Variants in PLCB1 observed in about 807,000 individuals in gnomAD.
PLCB1 encodes the protein phospholipase C beta 1, also known as 1-phosphatidylinositol 4,5-bisphosphate phosphodiesterase beta-1.
Under a neutral mutation model 161.8 loss-of-function variants are expected in PLCB1, and 46 were observed. The observed-to-expected ratio is 0.28, with a 90% CI of 0.22 to 0.36. The LOEUF (loss-of-function observed/expected upper bound fraction) is 0.36. Ranked by LOEUF, PLCB1 falls within the 10% of genes least tolerant of loss-of-function variation. The probability of loss-of-function intolerance (pLI) is 1.00; values close to 1 mark genes in which losing one functional copy is unlikely to be tolerated. For synonymous variants in PLCB1, 517 were observed against 503.7 expected (o/e 1.03, Z -0.35); for missense variants, 1,016 against 1,472.5 (o/e 0.69, Z 5.07).
At chr20:8,378,306 C>G (rs1000490150) in intron 3 of PLCB1, among the ~76,000 whole-genome samples, 1 of 151,980 alleles carries the variant, frequency 6.6e-6, no homozygotes, top group African/African-American at 2.4e-5. Flanking sequence ...ACAGGCATAC[C>G]GCAGCAGCAT....
At chr20:8,372,769 C>A (rs903025971) in intron 3 of PLCB1, among the ~76,000 whole-genome samples, 2 of 152,120 alleles carry the variant, frequency 1.3e-5, no homozygotes, top group Non-Finnish European at 2.9e-5. Context: ...TTCATATAAG[C>A]CTGTTAGTTC....
chr20:8,677,055 T>C (rs1990098232), intron 9 of PLCB1, among the ~76,000 whole-genome samples: 1 of 151,650 alleles, frequency 6.6e-6, no homozygotes, highest in South Asian at 2.1e-4. Context: ...TTTTAGAGAG[T>C]AAAGCAAAAA....
intron 9 of PLCB1, 136 bp downstream of exon 9, chr20:8,658,840 C>T: frequency 1.4e-6 from 1 of 696,582 alleles, no homozygotes; most frequent in East Asian, 2.8e-5. Context: ...TCTGAAATCA[C>T]TTGGTGGTTC....
chr20:8,342,478 T>C (rs1050153336), intron 2 of PLCB1, among the ~76,000 whole-genome samples: 4 of 152,194 alleles, frequency 2.6e-5, no homozygotes, highest in African/African-American at 9.6e-5. Context: ...GAAAGCAGAT[T>C]GTAACACATT....
chr20:8,232,536 A>G (rs1459919197), intron 2 of PLCB1, among the ~76,000 whole-genome samples: 1 of 152,164 alleles, frequency 6.6e-6, no homozygotes, highest in Non-Finnish European at 1.5e-5. Flanking sequence ...CAAGTAGAGA[A>G]GAACTGGAAG....
chr20:8,685,489 C>T (rs546107788), intron 10 of PLCB1, among the ~76,000 whole-genome samples: 12 of 149,332 alleles, frequency 8.0e-5, no homozygotes, highest in South Asian at 2.1e-4. Context: ...TTTGGGACGG[C>T]GAGGCGGGCG....
chr20:8,654,639 G>T (rs1207710287), intron 7 of PLCB1, among the ~76,000 whole-genome samples: 1 of 152,082 alleles, frequency 6.6e-6, no homozygotes, highest in Non-Finnish European at 1.5e-5. Flanking sequence ...AAAAAGTAGT[G>T]TCATGTCTAG....
intron 3 of PLCB1, among the ~76,000 whole-genome samples, chr20:8,418,279 A>G (rs1245898471): frequency 1.3e-5 from 2 of 152,078 alleles, no homozygotes; most frequent in African/African-American, 4.8e-5. Context: ...TGCTCTGAAA[A>G]TCCCCGATTC....
chr20:8,521,848 A>G (rs1484088387), intron 3 of PLCB1, among the ~76,000 whole-genome samples: 2 of 152,170 alleles, frequency 1.3e-5, no homozygotes, highest in East Asian at 3.8e-4. Context: ...CACTTTTTCA[A>G]GAAAAGGTAA....
intron 3 of PLCB1, among the ~76,000 whole-genome samples, chr20:8,462,511 C>T (rs1471421788): frequency 6.6e-6 from 1 of 152,140 alleles, no homozygotes; most frequent in East Asian, 1.9e-4. Context: ...TTTGTATATT[C>T]TTAAACAAGC....
rs1450261335 is a variant in PLCB1 at position 8,697,744 on chromosome 20, C to T, written c.1128C>T (p.Ile376=). 2.5e-6 allele frequency: 4 copies of T among 1,614,194 alleles called. No individual in the cohort carries two copies. The highest frequency in any genetic ancestry group is 3.4e-6 in the Non-Finnish European group (4 of 1,180,030). Residue 376 remains isoleucine (I), a synonymous_variant, in exon 11 of 32, where the codon ATC becomes ATT. Coordinates refer to ENST00000338037, the MANE Select transcript of PLCB1 (RefSeq NM_015192.4). ...KGRTAEEEPV[I]THGFTMTTEI... ...GGACTGCAGAAGAGGAACCTGTCATCACCCATGGCTTCACCATGACAACTG... is the reference window on the plus strand; with the variant it reads ...GGACTGCAGAAGAGGAACCTGTCATTACCCATGGCTTCACCATGACAACTG...
At chr20:8,505,404 C>G (rs185554682) in intron 3 of PLCB1, among the ~76,000 whole-genome samples, 1 of 152,252 alleles carries the variant, frequency 6.6e-6, no homozygotes, top group Non-Finnish European at 1.5e-5. Context: ...ATAATGGATA[C>G]TGGTTTTAGT....
rs566644813 is a variant in PLCB1 at position 8,372,616 on chromosome 20, C to A, written c.246+1166C>A. Among the ~76,000 whole-genome samples the A allele has an allele frequency of 2.6e-5, 4 of 152,292 alleles. No homozygotes were observed. The South Asian group carries it at 8.3e-4, about 32-fold the overall frequency. The stretch of plus-strand genomic sequence containing the variant: ...TTATTTACATTTATCTCCTTAGTAA[C>A]ATGGAATTTCAATAGTTTAGCCTCT... On this transcript the variant is annotated intron_variant, in intron 3 of 31. Transcript: ENST00000338037.
chr20:8,135,692 C>T (rs2051338279), intron 1 of PLCB1, among the ~76,000 whole-genome samples: 1 of 152,148 alleles, frequency 6.6e-6, no homozygotes, highest in Non-Finnish European at 1.5e-5. Context: ...TGTATATTGT[C>T]TGAACATCAA....
chr20:8,727,422 A>T (rs1250991291), intron 17 of PLCB1, 29 bp downstream of exon 17: 1 of 1,142,040 alleles, frequency 8.8e-7, no homozygotes, highest in African/African-American at 1.5e-5. Context: ...ATGACTGCAG[A>T]ATGAACACAG....
intron 4 of PLCB1, among the ~76,000 whole-genome samples, chr20:8,645,542 G>A (rs1293252034): frequency 2.0e-5 from 3 of 152,080 alleles, no homozygotes; most frequent in Admixed American, 2.0e-4. Context: ...TTGCTTTCTG[G>A]TATGAGGTAG....
chr20:8,260,962 A>G (rs1010117701), intron 2 of PLCB1, among the ~76,000 whole-genome samples: 2 of 152,246 alleles, frequency 1.3e-5, no homozygotes, highest in African/African-American at 4.8e-5. Context: ...CAGCGACCGA[A>G]AAATGCAGAG....
intron 7 of PLCB1, among the ~76,000 whole-genome samples, chr20:8,654,275 A>G (rs568667138): frequency 1.2e-4 from 18 of 152,168 alleles, no homozygotes; most frequent in African/African-American, 4.1e-4. Flanking sequence ...CATTCAGATT[A>G]CTAATTTAGA....
chr20:8,789,947 A>G (rs1457479430), intron 30 of PLCB1, among the ~76,000 whole-genome samples: 2 of 152,168 alleles, frequency 1.3e-5, no homozygotes, highest in Admixed American at 1.3e-4. Context: ...ACATATTTAT[A>G]AAAAGGTAAG....
Sources: gnomAD v4.1 joint callset for allele counts (sites outside exome capture counted in the v4.1 genomes callset) on GRCh38, gnomAD v4.1.1 for gene constraint, MANE v1.5 for transcripts, NCBI Gene and HGNC (gene_info 2026-07-23, HGNC 2026-07-21) for gene names.